Variants in WWOX observed in about 807,000 individuals in gnomAD.
The protein encoded by WWOX is WW domain-containing oxidoreductase.
A neutral mutation model predicts 46.2 loss-of-function variants in WWOX; 69 were observed. The ratio of observed to expected loss-of-function variants is 1.49; its 90% CI spans 1.23 to 1.82. The LOEUF is 1.82. Among genes scored for constraint, WWOX ranks in the 40% most tolerant of loss-of-function variants. The pLI, the probability that WWOX is intolerant of heterozygous loss-of-function variation, is 0.00. For synonymous variants in WWOX, 359 were observed against 202.6 expected (o/e 1.77, Z -6.56); for missense variants, 919 against 542.6 (o/e 1.69, Z -6.89).
intron 1 of WWOX, 130 bp downstream of exon 1, chr16:78,100,015 C>T: frequency 6.8e-7 from 1 of 1,475,078 alleles, no homozygotes; most frequent in Non-Finnish European, 9.0e-7. Context: ...TGTTAAGGAG[C>T]TTCAGGGAAA....
chr16:78,518,482 A>C (rs1365580586), intron 8 of WWOX, among the ~76,000 whole-genome samples: 1 of 152,214 alleles, frequency 6.6e-6, no homozygotes, highest in South Asian at 2.1e-4. Flanking sequence ...CGGCCTCCCA[A>C]ATTGCTGGGA....
At position 79,145,400 on chromosome 16, in the gene WWOX, C is replaced by G. The variant is rs997439163; in HGVS notation, c.1057-66208C>G. Among the ~76,000 whole-genome samples, 6 of 152,154 alleles carry G rather than the reference C, an allele frequency of 3.9e-5. No homozygotes were observed. The East Asian group carries it at 1.2e-3, about 29-fold the overall frequency. On this transcript the variant is annotated intron_variant, in intron 8 of 8. Transcript: ENST00000566780. The stretch of plus-strand genomic sequence containing the variant: ...ATTTTTATTTTTAGAGATGGTCTCA[C>G]TATGTTGCCCAGGCTGGTCTCGATC...
chr16:78,562,090 C>T (rs369091224), intron 8 of WWOX, among the ~76,000 whole-genome samples: 1 of 152,192 alleles, frequency 6.6e-6, no homozygotes, highest in Non-Finnish European at 1.5e-5. Flanking sequence ...ATCACTTCCC[C>T]TGCCCTTTTC....
At chr16:78,878,090 C>G (rs1282554425) in intron 8 of WWOX, among the ~76,000 whole-genome samples, 1 of 152,180 alleles carries the variant, frequency 6.6e-6, no homozygotes, top group African/African-American at 2.4e-5. Context: ...ATAACTAGTA[C>G]TGGCTCAGTA....
rs566484667 is a variant in WWOX at position 78,295,073 on chromosome 16, C to T, written c.517-91787C>T. 8.1e-4 allele frequency among the ~76,000 whole-genome samples: 123 copies of T among 152,208 alleles called. No homozygotes were observed. The Middle Eastern group carries it at 0.014, about 17-fold the overall frequency. On this transcript the variant is annotated intron_variant, in intron 5 of 8. Transcript: ENST00000566780. ...GCCTGTGTCCTAGGTATTGTGGGGC[C>T]GCTGTAGGAGGATGGTGGTTAAATC... is the stretch of plus-strand genomic sequence containing the variant.
rs546150540 is a variant in WWOX, at chr16:79,178,058, A to G, written c.1057-33550A>G. On this transcript the variant is annotated intron_variant, in intron 8 of 8. Transcript: ENST00000566780. Reference sequence around the variant, plus strand: ...TCTCTGGGGCTTCTTTTAGAAAGGCACAAATCCACTCTTGTGATCTAATCA... The same window carrying G: ...TCTCTGGGGCTTCTTTTAGAAAGGCGCAAATCCACTCTTGTGATCTAATCA... Among the ~76,000 whole-genome samples the G allele has an allele frequency of 6.4e-4, 97 of 152,274 alleles. No homozygotes were observed. The Middle Eastern group carries it at 0.02, about 32-fold the overall frequency.
At chr16:79,208,855 A>T (rs368645376) in intron 8 of WWOX, among the ~76,000 whole-genome samples, 4 of 152,170 alleles carry the variant, frequency 2.6e-5, no homozygotes, top group African/African-American at 9.7e-5. Context: ...TCTCCAAGAG[A>T]CCAAAGGTGT....
At chr16:78,294,216 A>C (rs1013059989) in intron 5 of WWOX, among the ~76,000 whole-genome samples, 3 of 152,040 alleles carry the variant, frequency 2.0e-5, no homozygotes, top group Non-Finnish European at 4.4e-5. Context: ...TCCTTCCACG[A>C]GTTCCTAACC....
intron 8 of WWOX, among the ~76,000 whole-genome samples, chr16:78,796,195 C>T (rs561289374): frequency 2.3e-4 from 35 of 152,318 alleles, no homozygotes; most frequent in Admixed American, 1.3e-3. Flanking sequence ...CTAGAACTGT[C>T]GTTGATTGCT....
intron 8 of WWOX, among the ~76,000 whole-genome samples, chr16:79,071,223 G>C (rs890038120): frequency 5.3e-5 from 8 of 152,118 alleles, no homozygotes; most frequent in Non-Finnish European, 1.0e-4. Flanking sequence ...GTCTCACATT[G>C]TACTCCTCTC....
chr16:78,833,235 GGCTT>G (rs2051881181), intron 8 of WWOX, among the ~76,000 whole-genome samples: 1 of 151,862 alleles, frequency 6.6e-6, no homozygotes, highest in Non-Finnish European at 1.5e-5. Flanking sequence ...GTAGAGATGG[GGCTT>G]GCTTGCTTTT....
chr16:78,917,229 G>A (rs2221434), intron 8 of WWOX, among the ~76,000 whole-genome samples: 26,413 of 152,158 alleles, frequency 0.17, 2,422 homozygotes, highest in East Asian at 0.26. Context: ...AGCTGTTACT[G>A]CAGACCTCCC....
At chr16:78,319,760 G>C (rs2080427605) in intron 5 of WWOX, among the ~76,000 whole-genome samples, 1 of 152,066 alleles carries the variant, frequency 6.6e-6, no homozygotes, top group Non-Finnish European at 1.5e-5. Flanking sequence ...TCTGCACCGA[G>C]GTCTCTCTGT....
chr16:78,401,252 A>C (rs1335843072), intron 6 of WWOX, among the ~76,000 whole-genome samples: 1 of 151,052 alleles, frequency 6.6e-6, no homozygotes, highest in African/African-American at 2.5e-5. Flanking sequence ...ATTTTCCATA[A>C]TTTAGTGAAG....
At chr16:78,798,850 T>G (rs917994182) in intron 8 of WWOX, among the ~76,000 whole-genome samples, 1 of 152,162 alleles carries the variant, frequency 6.6e-6, no homozygotes, top group African/African-American at 2.4e-5. Flanking sequence ...GCGGCCAATG[T>G]CAGGACTGAA....
At chr16:78,236,827 A>T (rs886171255) in intron 5 of WWOX, among the ~76,000 whole-genome samples, 1 of 152,164 alleles carries the variant, frequency 6.6e-6, no homozygotes, top group African/African-American at 2.4e-5. Flanking sequence ...CTGTAATCCC[A>T]GCACTTTGGG....
chr16:78,828,525 A>C (rs111431473), intron 8 of WWOX, among the ~76,000 whole-genome samples: 13,478 of 151,462 alleles, frequency 0.089, 617 homozygotes, highest in South Asian at 0.16. Context: ...TATCATTAGT[A>C]TATAATTATA....
intron 8 of WWOX, among the ~76,000 whole-genome samples, chr16:78,948,596 C>G (rs1282490992): frequency 6.6e-6 from 1 of 151,998 alleles, no homozygotes; most frequent in Non-Finnish European, 1.5e-5. Context: ...CTCTGGATGC[C>G]TTGTGGTCCT....
intron 8 of WWOX, among the ~76,000 whole-genome samples, chr16:78,591,716 A>G (rs1320198215): frequency 6.6e-6 from 1 of 152,226 alleles, no homozygotes; most frequent in Non-Finnish European, 1.5e-5. Context: ...TGAGATAACT[A>G]AAGTACCTGA....
Sources: gnomAD v4.1 joint callset for allele counts (sites outside exome capture counted in the v4.1 genomes callset) on GRCh38, gnomAD v4.1.1 for gene constraint, MANE v1.5 for transcripts, NCBI Gene and HGNC (gene_info 2026-07-23, HGNC 2026-07-21) for gene names.